Variants in SNTG1 observed in about 807,000 individuals in gnomAD.
SNTG1 encodes syntrophin gamma 1, also known as gamma-1-syntrophin.
Under a neutral mutation model 74.7 loss-of-function variants are expected in SNTG1, and 39 were observed. The ratio of observed to expected loss-of-function variants is 0.52; its 90% CI spans 0.40 to 0.68. The LOEUF (loss-of-function observed/expected upper bound fraction) is 0.68, where lower values mean the gene tolerates loss of function less well. SNTG1 is among the 30% of genes least tolerant of loss of function. The pLI is 0.00. For missense variants in SNTG1, 685 were observed against 609.5 expected (o/e 1.12, Z -1.30); for synonymous variants, 254 against 217.1 (o/e 1.17, Z -1.49).
At chr8:50,064,395 C>T (rs1820730536) in intron 1 of SNTG1, among the ~76,000 whole-genome samples, 1 of 152,162 alleles carries the variant, frequency 6.6e-6, no homozygotes, top group African/African-American at 2.4e-5. Context: ...AAACCCATCT[C>T]CTTCTGCTTA....
intron 2 of SNTG1, among the ~76,000 whole-genome samples, chr8:50,306,876 G>A (rs1187401219): frequency 6.6e-6 from 1 of 151,748 alleles, no homozygotes; most frequent in Non-Finnish European, 1.5e-5. Flanking sequence ...CCATGCGGAA[G>A]CTTTCTAATG....
At chr8:50,443,585 A>G (rs764338956) in intron 5 of SNTG1, among the ~76,000 whole-genome samples, 4 of 152,126 alleles carry the variant, frequency 2.6e-5, no homozygotes, top group African/African-American at 9.7e-5. Flanking sequence ...ATTTGCCTTT[A>G]TTATCCAGTG....
intron 13 of SNTG1, among the ~76,000 whole-genome samples, chr8:50,605,484 C>G (rs1202064002): frequency 6.6e-6 from 1 of 152,146 alleles, no homozygotes; most frequent in African/African-American, 2.4e-5. Context: ...CAGGAACCAG[C>G]TGAGCAACAG....
At chr8:50,661,167 T>C (rs781604868) in intron 15 of SNTG1, among the ~76,000 whole-genome samples, 1 of 152,164 alleles carries the variant, frequency 6.6e-6, no homozygotes, top group Non-Finnish European at 1.5e-5. Context: ...ACTGCTTTCA[T>C]TGAGCTTGCA....
intron 2 of SNTG1, among the ~76,000 whole-genome samples, chr8:50,205,481 C>CT (rs1297119109): frequency 6.6e-6 from 1 of 152,112 alleles, no homozygotes; most frequent in Non-Finnish European, 1.5e-5. Flanking sequence ...AGACCTTTGT[C>CT]AGATGGGTAG....
intron 1 of SNTG1, among the ~76,000 whole-genome samples, chr8:50,089,669 C>T (rs1454747684): frequency 1.3e-5 from 2 of 152,210 alleles, no homozygotes; most frequent in African/African-American, 2.4e-5. Context: ...CTCATCATCA[C>T]TGGCCATCAG....
At chr8:50,144,198 C>T (rs565120031) in intron 1 of SNTG1, among the ~76,000 whole-genome samples, 3 of 152,282 alleles carry the variant, frequency 2.0e-5, no homozygotes, top group African/African-American at 4.8e-5. Context: ...TATACGAAAC[C>T]ATCTTAATGA....
chr8:50,105,029 G>A (rs1481971072), intron 1 of SNTG1, among the ~76,000 whole-genome samples: 1 of 152,066 alleles, frequency 6.6e-6, no homozygotes, highest in Non-Finnish European at 1.5e-5. Flanking sequence ...CTCTGCAGAA[G>A]CCTTTTAATT....
At chr8:50,173,771 C>G (rs12544313) in intron 2 of SNTG1, among the ~76,000 whole-genome samples, 37,498 of 152,034 alleles carry the variant, frequency 0.25, 6,194 homozygotes, top group Non-Finnish European at 0.37. Context: ...GATTGATTTC[C>G]CTCACCCAAT....
intron 9 of SNTG1, among the ~76,000 whole-genome samples, chr8:50,507,450 G>T (rs1007287118): frequency 6.6e-6 from 1 of 151,926 alleles, no homozygotes; most frequent in African/African-American, 2.4e-5. Context: ...AAACCATCTG[G>T]TCATGGGCCC....
intron 1 of SNTG1, among the ~76,000 whole-genome samples, chr8:49,957,583 T>C (rs2129640890): frequency 1.3e-5 from 2 of 152,258 alleles, no homozygotes; most frequent in Middle Eastern, 6.8e-3. Context: ...AAGAAACATG[T>C]TCCAGAATGC....
chr8:50,391,176 T>C (rs149964647), intron 2 of SNTG1, among the ~76,000 whole-genome samples: 7,157 of 152,304 alleles, frequency 0.047, 221 homozygotes, highest in Middle Eastern at 0.095. Context: ...CTTCCAGTTT[T>C]TGCCCATTCA....
At chr8:50,383,551 G>T (rs2092525474) in intron 2 of SNTG1, among the ~76,000 whole-genome samples, 1 of 152,138 alleles carries the variant, frequency 6.6e-6, no homozygotes, top group African/African-American at 2.4e-5. Context: ...AGCTGATCAT[G>T]TGGTGGTAGT....
At chr8:49,932,394 A>G (rs925398986) in intron 1 of SNTG1, among the ~76,000 whole-genome samples, 7 of 152,108 alleles carry the variant, frequency 4.6e-5, no homozygotes, top group Admixed American at 3.3e-4. Context: ...AGAACCCACA[A>G]AGTGAACACA....
intron 3 of SNTG1, among the ~76,000 whole-genome samples, chr8:50,394,942 T>C (rs1287857193): frequency 6.6e-6 from 1 of 152,094 alleles, no homozygotes; most frequent in African/African-American, 2.4e-5. Flanking sequence ...AAATGTTTTA[T>C]ATTTGTTTAA....
At chr8:50,699,122 A>T (rs1265900664) in intron 15 of SNTG1, among the ~76,000 whole-genome samples, 1 of 152,148 alleles carries the variant, frequency 6.6e-6, no homozygotes, top group Non-Finnish European at 1.5e-5. Flanking sequence ...AGAAACACAA[A>T]TCACAAGGAG....
In SNTG1 at chr8:50,347,181, T is replaced by C. The variant is rs28840383; in HGVS notation, c.-27-47031T>C. Among the ~76,000 whole-genome samples the C allele has an allele frequency of 6.0e-3, 915 of 152,338 alleles. 7 individuals carry two copies. Among genetic ancestry groups the C allele is most frequent in the African/African-American group, 0.021 (857 of 41,566 alleles). ...AAAAGACACAGGCTGACTCTCTTGT[T>C]AGGAGCTAATGCAGCTTGTGACTTC... is the stretch of plus-strand genomic sequence containing the variant. On this transcript the variant is annotated intron_variant, in intron 2 of 18. Transcript: ENST00000642720.
chr8:50,666,524 C>T (rs1332077964), intron 15 of SNTG1, among the ~76,000 whole-genome samples: 1 of 152,072 alleles, frequency 6.6e-6, no homozygotes, highest in Admixed American at 6.6e-5. Context: ...ACAAACAGTT[C>T]AGAAAATAAG....
intron 1 of SNTG1, among the ~76,000 whole-genome samples, chr8:49,933,033 A>C (rs1232492366): frequency 2.6e-5 from 4 of 152,096 alleles, no homozygotes; most frequent in Non-Finnish European, 5.9e-5. Flanking sequence ...CTTGGTGAAC[A>C]TTTTGATGTT....
Sources: allele counts gnomAD v4.1 joint callset (sites outside exome capture counted in the v4.1 genomes callset), GRCh38; gene constraint gnomAD v4.1.1; transcripts MANE v1.5; gene names NCBI Gene and HGNC (gene_info 2026-07-23, HGNC 2026-07-21).